TDRD12: variants seen among roughly 807,000 people sequenced by gnomAD.
The protein encoded by TDRD12 is tudor domain containing 12.
In TDRD12, 158 loss-of-function variants were observed where a neutral mutation model predicts 133.5. The observed-to-expected ratio is 1.18, with a 90% confidence interval of 1.04 to 1.35. The LOEUF (loss-of-function observed/expected upper bound fraction) is 1.35, where lower values mean the gene tolerates loss of function less well. TDRD12 is among the 40% of genes most tolerant of loss of function. The probability of loss-of-function intolerance (pLI) is 0.00; values close to 1 mark genes in which losing one functional copy is unlikely to be tolerated. For synonymous variants in TDRD12, 460 were observed against 477.9 expected, an observed-to-expected ratio of 0.96 and a Z score of 0.49; for missense variants, 1,443 against 1,321.3, an observed-to-expected ratio of 1.09 and a Z score of -1.43.
At chr19:32,803,691 C>T (rs908032914) in intron 21 of TDRD12, among the ~76,000 whole-genome samples, 1 of 152,174 alleles carries the variant, frequency 6.6e-6, no homozygotes, top group Non-Finnish European at 1.5e-5. Context: ...GGCCATTTTC[C>T]GGTCTGGTCA....
In TDRD12 at chr19:32,727,740, C is replaced by T. The variant is rs111306646; in HGVS notation, c.25-3985C>T. On this transcript the variant is annotated intron_variant, in intron 1 of 27. Transcript: ENST00000444215. ...CCGGAGTGCAGTGGTGCAATTTCGG[C>T]TCACTGCAACCTCCACCTCCCAGGT... Among the ~76,000 whole-genome samples, 738 of 152,292 alleles carry T rather than the reference C, an allele frequency of 4.8e-3. 4 individuals are homozygous for T. Among genetic ancestry groups the T allele is most frequent in the African/African-American group, 0.017 (687 of 41,538 alleles).
chr19:32,797,811 C>A (rs1455523532), exon 15 of TDRD12: 1 of 702,338 alleles, frequency 1.4e-6, no homozygotes, highest in African/African-American at 1.7e-5. Flanking sequence ...TATAGCATGT[C>A]CTCCAGGCCT....
rs1327974679 is a variant in TDRD12 at position 32,756,034 on chromosome 19, T to TA, written c.626dup (p.Tyr209Ter). 6.8e-7 allele frequency: 1 copy of TA among 1,476,144 alleles called. No individual in the cohort carries two copies. Among genetic ancestry groups the TA allele is most frequent in the Non-Finnish European group, 8.9e-7 (1 of 1,121,362 alleles). The allele number at this position is 1,476,144 out of a possible 1,614,324, so 91.4% of individuals were successfully genotyped here. A position where few individuals can be genotyped will look rare whatever the true frequency, so the allele number is the denominator to read the frequency against. The change falls in exon 7 of 28, where the codon TAT (tyrosine) becomes TAAT (stop). Residue 209 changes from tyrosine to a stop codon, truncating the protein, a stop_gained and frameshift_variant. Transcript: ENST00000444215. LOFTEE classifies it high-confidence loss of function. The stretch of plus-strand genomic sequence containing the variant: ...TCTTGTTGCAAAGAACTATGCTTGT[T>TA]ATATGTCACCTACAAAGAATAAAAA...
chr19:32,809,699 T>C (rs1456736750), intron 22 of TDRD12, among the ~76,000 whole-genome samples: 3 of 152,208 alleles, frequency 2.0e-5, no homozygotes, highest in Non-Finnish European at 4.4e-5. Flanking sequence ...TGGAGGCTGA[T>C]ATACAGTAGC....
At chr19:32,809,953 C>A in intron 22 of TDRD12, 140 bp from the exon 23 acceptor site, 2 of 490,082 alleles carry the variant, frequency 4.1e-6, no homozygotes, top group Non-Finnish European at 3.4e-6. Flanking sequence ...TTTTGGCTAG[C>A]TTCCTAGTTT....
At chr19:32,821,164 G>T in exon 28 of TDRD12, 1 of 1,514,316 alleles carries the variant, frequency 6.6e-7, no homozygotes, top group South Asian at 1.2e-5. Flanking sequence ...TTCAAAAGAT[G>T]GTTAAGTTCA....
intron 1 of TDRD12, among the ~76,000 whole-genome samples, chr19:32,723,285 C>G (rs1968747832): frequency 1.3e-5 from 2 of 151,796 alleles, no homozygotes; most frequent in Admixed American, 6.6e-5. Context: ...GAGTCTTGCT[C>G]TGTCCCCCAG....
At position 32,757,629 on chromosome 19, in the gene TDRD12, G is replaced by A. The variant is rs143793091; in HGVS notation, c.865+499G>A. ...TCCTCCACCATTTCCCTCTTATGCT[G>A]GATGTGTGTCCAGGAAGGCCTCACT... On this transcript the variant is annotated intron_variant, in intron 8 of 27. Transcript: ENST00000444215. Among the ~76,000 whole-genome samples the A allele has an allele frequency of 2.8e-3, 432 of 152,268 alleles. 1 individual carries two copies. The highest frequency in any genetic ancestry group is 9.7e-3 in the African/African-American group (404 of 41,548).
chr19:32,773,724 T>G (rs1970502125), intron 10 of TDRD12, among the ~76,000 whole-genome samples, 192 bp downstream of exon 10: 1 of 152,134 alleles, frequency 6.6e-6, no homozygotes, highest in African/African-American at 2.4e-5. Flanking sequence ...AATAATTCGG[T>G]GTAATTGACA....
intron 11 of TDRD12, among the ~76,000 whole-genome samples, chr19:32,781,408 AT>A (rs1300339699): frequency 6.6e-6 from 1 of 152,096 alleles, no homozygotes; most frequent in East Asian, 1.9e-4. Flanking sequence ...GATTCTCTGC[AT>A]CTTTCTTGAA....
downstream of TDRD12, among the ~76,000 whole-genome samples, chr19:32,822,746 C>A (rs76863160): frequency 2.8e-4 from 39 of 139,812 alleles, no homozygotes; most frequent in Admixed American, 3.6e-4. Context: ...GACTCCATCT[C>A]AAAAAAAAAA....
At chr19:32,727,381 T>C (rs916852508) in intron 1 of TDRD12, among the ~76,000 whole-genome samples, 1 of 152,232 alleles carries the variant, frequency 6.6e-6, no homozygotes, top group Admixed American at 6.5e-5. Context: ...TTATGAGATA[T>C]AAGCCTTGCA....
rs576712957 is a variant in TDRD12, at chr19:32,736,058, T to C, written c.184-2798T>C. 5.3e-5 allele frequency among the ~76,000 whole-genome samples: 8 copies of C among 152,286 alleles called. 1 individual carries two copies. The highest frequency in any genetic ancestry group is 1.7e-4 in the African/African-American group (7 of 41,572). On this transcript the variant is annotated intron_variant, in intron 2 of 27. Coordinates refer to ENST00000444215, the Ensembl canonical transcript of TDRD12. ...TCTTTTTAGGGGCTAATGCAGCTGG[T>C]GACTTTTAAGTTGAAGCCAGTACTC...
chr19:32,791,376 C>T (rs1408391764), intron 13 of TDRD12, among the ~76,000 whole-genome samples: 1 of 152,100 alleles, frequency 6.6e-6, no homozygotes, highest in Non-Finnish European at 1.5e-5. Context: ...GAGCAGCAGG[C>T]CACCAGGGCA....
Position 32,760,055 on chromosome 19 carries a change from T to G in TDRD12, c.865+2925T>G, listed in dbSNP as rs1048324309. Among the ~76,000 whole-genome samples the G allele has an allele frequency of 2.6e-5, 4 of 152,238 alleles. No homozygotes were observed. In the East Asian group the frequency reaches 7.7e-4, roughly 29 times the overall value. On this transcript the variant is annotated intron_variant, in intron 8 of 27. Coordinates refer to ENST00000444215, the Ensembl canonical transcript of TDRD12. The stretch of plus-strand genomic sequence containing the variant: ...TGTTGATGGGCATGTATTCTTTCCA[T>G]TTATATTCTTTTTCCATTGGAGGAA...
At chr19:32,802,142 T>C (rs1248959616) in intron 19 of TDRD12, among the ~76,000 whole-genome samples, 1 of 142,924 alleles carries the variant, frequency 7.0e-6, no homozygotes, top group Non-Finnish European at 1.5e-5. Flanking sequence ...ATATATGATA[T>C]ATATTATCAT....
chr19:32,778,875 C>G (rs916736437), intron 11 of TDRD12, among the ~76,000 whole-genome samples: 1 of 152,178 alleles, frequency 6.6e-6, no homozygotes, highest in African/African-American at 2.4e-5. Context: ...TTAAAATGCC[C>G]TTTACTTAGA....
chr19:32,773,687 G>A (rs1970501088), intron 10 of TDRD12, among the ~76,000 whole-genome samples, 155 bp downstream of exon 10: 1 of 152,078 alleles, frequency 6.6e-6, no homozygotes, highest in African/African-American at 2.4e-5. Context: ...GACAGAGTGA[G>A]ACTCTTATCT....
At chr19:32,773,673 G>A in intron 10 of TDRD12, 141 bp downstream of exon 10, 2 of 616,260 alleles carry the variant, frequency 3.2e-6, no homozygotes, top group East Asian at 5.7e-5. Flanking sequence ...ACTCCAGCCT[G>A]GGTGACAGAG....
Sources: gnomAD v4.1 joint callset for allele counts (sites outside exome capture counted in the v4.1 genomes callset) on GRCh38, gnomAD v4.1.1 for gene constraint, MANE v1.5 for transcripts, NCBI Gene and HGNC (gene_info 2026-07-23, HGNC 2026-07-21) for gene names.